MTUS1: variants seen among roughly 807,000 people sequenced by gnomAD.
MTUS1 encodes the protein microtubule associated scaffold protein 1, also known as microtubule-associated tumor suppressor 1.
In MTUS1, 109 loss-of-function variants were observed where a neutral mutation model predicts 120.8. The observed-to-expected ratio is 0.90, with a 90% CI of 0.77 to 1.06. MTUS1 has a LOEUF of 1.06. Ranked by LOEUF, MTUS1 falls within the 50% of genes least tolerant of loss-of-function variation. The probability of loss-of-function intolerance (pLI) is 0.00; values close to 1 mark genes in which losing one functional copy is unlikely to be tolerated. For synonymous variants in MTUS1, 737 were observed against 550.5 expected, an observed-to-expected ratio of 1.34 and a Z score of -4.74; for missense variants, 2,210 against 1,486.3, an observed-to-expected ratio of 1.49 and a Z score of -8.01.
Position 17,755,622 on chromosome 8 carries a change from A to G in MTUS1, c.186T>C (p.Pro62=), listed in dbSNP as rs1356770530. 1 of 1,614,214 alleles carries G rather than the reference A, an allele frequency of 6.2e-7. No homozygotes were observed. The highest frequency in any genetic ancestry group is 8.5e-7 in the Non-Finnish European group (1 of 1,180,022). Residue 62 remains proline, a synonymous_variant, in exon 2 of 15, where the codon CCT becomes CCC. Transcript: ENST00000693296. The part of the protein sequence containing the change: ...DDMVVDYETD[P]AVVTGENISL... ...AAATATTTTCACCAGTAACTACAGC[A>G]GGGTCAGTTTCATAATCAACCACCA...
At position 17,645,920 on chromosome 8, in the gene MTUS1, G is replaced by A; in HGVS notation, c.*6C>T. 6.2e-7 allele frequency: 1 copy of A among 1,608,984 alleles called. No homozygotes were observed. The highest frequency in any genetic ancestry group is 8.5e-7 in the Non-Finnish European group (1 of 1,178,626). ...TTTCAGAGAGTCTGTGGACTTTGGG[G>A]AGGTGTCATCTGGGTGAAATGCTGG... On this transcript the variant is annotated 3_prime_UTR_variant, in exon 15 of 15. Transcript: ENST00000693296.
chr8:17,662,893 G>C (rs1401795515), intron 8 of MTUS1, among the ~76,000 whole-genome samples: 1 of 151,238 alleles, frequency 6.6e-6, no homozygotes, highest in Non-Finnish European at 1.5e-5. Context: ...GGGAAGGGGA[G>C]GAAGGAGAAG....
Position 17,675,222 on chromosome 8 carries a change from G to C in MTUS1, c.2869C>G (p.Leu957Val), listed in dbSNP as rs1272262498. 6.2e-7 allele frequency: 1 copy of C among 1,614,128 alleles called. No individual in the cohort carries two copies. Among genetic ancestry groups the C allele is most frequent in the East Asian group, 2.2e-5 (1 of 44,878 alleles). Reference sequence around the variant, plus strand: ...CGGAGGTTAACAAGTTCTTGAGATAGGGTTTTGTGTTGTTTCAGTGCTTCC... The same window carrying C: ...CGGAGGTTAACAAGTTCTTGAGATACGGTTTTGTGTTGTTTCAGTGCTTCC... Reference protein sequence around the residue: ...REEALKQHKTLSQELVNLRGE... With the variant: ...REEALKQHKTVSQELVNLRGE... The change falls in exon 8 of 15, where the codon CTA becomes GTA. Residue 957 changes from leucine (L) to valine (V), a missense_variant. By Grantham distance (32) the Leu-to-Val change is conservative. Coordinates refer to ENST00000693296, the MANE Select transcript of MTUS1 (RefSeq NM_001363059.2).
chr8:17,785,383 A>T (rs1044454557), intron 1 of MTUS1, among the ~76,000 whole-genome samples: 11 of 152,204 alleles, frequency 7.2e-5, no homozygotes, highest in Non-Finnish European at 1.6e-4. Context: ...GCTGAGACTA[A>T]GGCATAGGCA....
intron 1 of MTUS1, among the ~76,000 whole-genome samples, chr8:17,758,379 T>G (rs142745028): frequency 2.9e-4 from 44 of 151,730 alleles, no homozygotes; most frequent in Middle Eastern, 3.4e-3. Flanking sequence ...AAAAGCGATT[T>G]TGAATCCAAA....
chr8:17,659,055 C>T (rs11203884), intron 8 of MTUS1, among the ~76,000 whole-genome samples: 36,986 of 152,036 alleles, frequency 0.24, 4,830 homozygotes, highest in African/African-American at 0.31. Context: ...ACAGAGGACC[C>T]TCCTAAACAT....
At chr8:17,767,114 ACT>A (rs2049571701) in intron 1 of MTUS1, among the ~76,000 whole-genome samples, 1 of 150,324 alleles carries the variant, frequency 6.7e-6, no homozygotes, top group Admixed American at 6.7e-5. Context: ...GGTTTTTAAA[ACT>A]CTATGCTGAA....
chr8:17,668,080 A>G (rs1473445277), intron 8 of MTUS1, among the ~76,000 whole-genome samples: 3 of 151,622 alleles, frequency 2.0e-5, no homozygotes, highest in Non-Finnish European at 4.4e-5. Context: ...TGGCTCAAAA[A>G]TAATTTTGAA....
chr8:17,756,671 A>ACCTCCCCC (rs1554526123), intron 1 of MTUS1, among the ~76,000 whole-genome samples: 2 of 117,484 alleles, frequency 1.7e-5, no homozygotes, highest in African/African-American at 3.2e-5. Flanking sequence ...TCAAGCCCAA[A>ACCTCCCCC]CCCCCACCCC....
At chr8:17,749,257 A>G (rs1231741094) in intron 2 of MTUS1, among the ~76,000 whole-genome samples, 1 of 152,158 alleles carries the variant, frequency 6.6e-6, no homozygotes, top group Admixed American at 6.5e-5. Context: ...GGCTACCTGA[A>G]GGTTTCATCT....
chr8:17,786,949 A>G (rs891340555), intron 1 of MTUS1, among the ~76,000 whole-genome samples: 5 of 152,230 alleles, frequency 3.3e-5, no homozygotes, highest in Non-Finnish European at 7.3e-5. Context: ...TACATTTCAG[A>G]AAGAAAATAA....
chr8:17,682,517 C>CAAAA (rs55901871), intron 7 of MTUS1, among the ~76,000 whole-genome samples: 1 of 114,990 alleles, frequency 8.7e-6, no homozygotes, highest in Admixed American at 9.2e-5. Flanking sequence ...GACTCCATCC[C>CAAAA]AAAAAAAAAA....
At chr8:17,762,904 T>C (rs7387297) in intron 1 of MTUS1, among the ~76,000 whole-genome samples, 114,072 of 151,788 alleles carry the variant, frequency 0.75, 43,757 homozygotes, top group East Asian at 0.85. Flanking sequence ...TTAGCAAAGA[T>C]GCGGCAAAGA....
At chr8:17,655,378 G>A (rs985692309) in intron 9 of MTUS1, among the ~76,000 whole-genome samples, 2 of 151,858 alleles carry the variant, frequency 1.3e-5, no homozygotes, top group African/African-American at 2.4e-5. Flanking sequence ...AGAAAGAAAG[G>A]GTTGTTTTTT....
chr8:17,692,236 A>T (rs1406612497), intron 6 of MTUS1: 1 of 152,180 alleles, frequency 6.6e-6, no homozygotes, highest in Admixed American at 6.5e-5. Flanking sequence ...CACACGCTCT[A>T]TTTCCCAGCC....
intron 6 of MTUS1, among the ~76,000 whole-genome samples, chr8:17,705,382 C>T: frequency 6.6e-6 from 1 of 152,110 alleles, no homozygotes. Context: ...AGTCTATATT[C>T]TTAGTGTTTT....
chr8:17,649,241 G>C (rs1806471360), intron 13 of MTUS1, among the ~76,000 whole-genome samples: 1 of 152,000 alleles, frequency 6.6e-6, no homozygotes, highest in South Asian at 2.1e-4. Context: ...ATTTTTAGTA[G>C]AGACAGGGTT....
chr8:17,692,251 T>C (rs538285792), intron 6 of MTUS1: 1 of 152,166 alleles, frequency 6.6e-6, no homozygotes, highest in African/African-American at 2.4e-5. Flanking sequence ...CCAGCCTCCC[T>C]TCCAGGTCGA....
intron 7 of MTUS1, among the ~76,000 whole-genome samples, chr8:17,682,190 G>T (rs10113036): frequency 6.6e-6 from 1 of 151,738 alleles, no homozygotes; most frequent in East Asian, 1.9e-4. Flanking sequence ...TTATAGGTGA[G>T]AAACAGTACA....
Sources: allele counts gnomAD v4.1 joint callset (sites outside exome capture counted in the v4.1 genomes callset), GRCh38; gene constraint gnomAD v4.1.1; transcripts MANE v1.5; gene names NCBI Gene and HGNC (gene_info 2026-07-23, HGNC 2026-07-21).